The following FAM234B variants were observed in gnomAD, a reference collection of about 807,000 sequenced individuals.
FAM234B encodes the protein family with sequence similarity 234 member B, also known as protein FAM234B.
Under a neutral mutation model 69.3 loss-of-function variants are expected in FAM234B, and 33 were observed. The ratio of observed to expected loss-of-function variants is 0.48; its 90% CI spans 0.36 to 0.64. FAM234B has a LOEUF of 0.64. FAM234B is among the 30% of genes least tolerant of loss of function. The probability of loss-of-function intolerance (pLI) is 0.00; values close to 1 mark genes in which losing one functional copy is unlikely to be tolerated. For synonymous variants in FAM234B, 306 were observed against 306.9 expected (o/e 1.00, Z 0.03); for missense variants, 697 against 769.7 (o/e 0.91, Z 1.12).
Position 13,080,812 on chromosome 12 carries a change from C to T in FAM234B, c.*182C>T. On this transcript the variant is annotated 3_prime_UTR_variant, in exon 13 of 13. Transcript: ENST00000197268. ...TTTGACGGCAGCATGATCTATTTGGCTGGGGCATCTTACCTACCTTTTCAG... is the reference window on the plus strand; with the variant it reads ...TTTGACGGCAGCATGATCTATTTGGTTGGGGCATCTTACCTACCTTTTCAG... 1 of 528,470 alleles carries T rather than the reference C, an allele frequency of 1.9e-6. No homozygotes were observed. The allele number at this position is 528,470 out of a possible 1,614,324, so 32.7% of individuals were successfully genotyped here.
intron 3 of FAM234B, among the ~76,000 whole-genome samples, chr12:13,060,988 C>T (rs1425045253): frequency 6.6e-6 from 1 of 152,156 alleles, no homozygotes; most frequent in Admixed American, 6.5e-5. Flanking sequence ...ACCCACTCAT[C>T]ATTGCTATAT....
intron 1 of FAM234B, among the ~76,000 whole-genome samples, chr12:13,054,223 A>G (rs1282160524): frequency 6.6e-6 from 1 of 151,126 alleles, no homozygotes; most frequent in Admixed American, 6.6e-5. Context: ...TTATAAGAGT[A>G]TTAATAGGGA....
Position 13,080,072 on chromosome 12 carries a change from T to G in FAM234B, c.1863+63T>G, listed in dbSNP as rs544865289. The G allele has an allele frequency of 1.3e-5, 17 of 1,273,464 alleles. No homozygotes were observed. The South Asian group carries it at 2.1e-4, about 16-fold the overall frequency. The allele number at this position is 1,273,464 out of a possible 1,614,324, so 78.9% of individuals were successfully genotyped here. On this transcript the variant is annotated intron_variant, in intron 12 of 12. Transcript: ENST00000197268. ...TAGGACAAATACTACCAATTCCAGC[T>G]TTGTCTTTAGAAAGTAGGCAGAATG...
In FAM234B at chr12:13,068,286, G is replaced by C; in HGVS notation, c.1143-18G>C. The stretch of plus-strand genomic sequence containing the variant: ...CATCCAAGCCAGAGACTAACCGTTG[G>C]GGTCTTATTTAACCCAGTGATGGTG... On this transcript the variant is annotated intron_variant, in intron 7 of 12. Coordinates refer to ENST00000197268, the MANE Select transcript of FAM234B (RefSeq NM_020853.2). 6.2e-7 allele frequency: 1 copy of C among 1,613,896 alleles called. No individual in the cohort carries two copies. Among genetic ancestry groups the C allele is most frequent in the Non-Finnish European group, 8.5e-7 (1 of 1,179,916 alleles).
chr12:13,074,543 A>C (rs1294434543), intron 10 of FAM234B, among the ~76,000 whole-genome samples: 7 of 152,172 alleles, frequency 4.6e-5, no homozygotes. Flanking sequence ...TGAAGCATGG[A>C]TTGAGGGTGA....
chr12:13,072,644 C>T (rs575751906), intron 10 of FAM234B, among the ~76,000 whole-genome samples: 2 of 151,054 alleles, frequency 1.3e-5, no homozygotes, highest in Admixed American at 6.6e-5. Flanking sequence ...GCAGGAGAAT[C>T]GCTTGAACCC....
At chr12:13,052,387 A>G (rs1007423159) in intron 1 of FAM234B, among the ~76,000 whole-genome samples, 1 of 151,992 alleles carries the variant, frequency 6.6e-6, no homozygotes, top group Non-Finnish European at 1.5e-5. Context: ...AAGTAACTCT[A>G]GAGTTGAGAA....
chr12:13,067,882 A>G lies in FAM234B; in HGVS notation c.1143-422A>G, dbSNP rs1865057577. On this transcript the variant is annotated intron_variant, in intron 7 of 12. Transcript: ENST00000197268. This position sits in a 1 kb window ranked among gnomAD's most constrained non-coding sequence, Gnocchi z 4.7. ...GTTTTGGTGACTTTGACAGGTATGA[A>G]GTAGAATGGTCCCAGTGGCACTGAG... Among the ~76,000 whole-genome samples, 1 of 152,186 alleles carries G rather than the reference A, an allele frequency of 6.6e-6. No individual in the cohort carries two copies. The highest frequency in any genetic ancestry group is 6.5e-5 in the Admixed American group (1 of 15,278).
At chr12:13,079,527 C>T (rs559086593) in intron 11 of FAM234B, among the ~76,000 whole-genome samples, 2 of 152,342 alleles carry the variant, frequency 1.3e-5, no homozygotes, top group South Asian at 2.1e-4. Flanking sequence ...CACATTCTCT[C>T]AGTTCCTGAG....
rs202008543 is a variant in FAM234B, at chr12:13,080,005, A to G, written c.1859A>G (p.Tyr620Cys). The G allele has an allele frequency of 4.4e-6, 7 of 1,590,136 alleles. No individual in the cohort carries two copies. The East Asian group carries it at 6.7e-5, about 15-fold the overall frequency. ...LSRIKFVEAP[Y>C]EI ...AGGATAAAGTTTGTTGAAGCTCCCT[A>G]CGAGGTGAGTGGCTGCAGAAATATT... Residue 620 changes from tyrosine (Y) to cysteine (C), a missense_variant, in exon 12 of 13, where the codon TAC (tyrosine) becomes TGC (cysteine). By Grantham distance (194) the Tyr-to-Cys change is radical. Around this residue, in one of 3 missense-constraint regions of FAM234B, gnomAD observed 313 missense variants for 305.5 expected, o/e 1.02. Transcript: ENST00000197268.
rs866659586 is a variant in FAM234B, at chr12:13,080,729, C to T, written c.*99C>T. ...CAGTTCTATGGAGAGAAGACTTCTTCGTCCTCATTTACCACCTCCCTGATG... is the reference window on the plus strand; with the variant it reads ...CAGTTCTATGGAGAGAAGACTTCTTTGTCCTCATTTACCACCTCCCTGATG... On this transcript the variant is annotated 3_prime_UTR_variant, in exon 13 of 13. Transcript: ENST00000197268. The T allele has an allele frequency of 3.8e-6, 4 of 1,039,542 alleles. No individual in the cohort carries two copies. Among genetic ancestry groups the T allele is most frequent in the African/African-American group, 1.6e-5 (1 of 62,510 alleles). The allele number at this position is 1,039,542 out of a possible 1,614,324, so 64.4% of individuals were successfully genotyped here.
At chr12:13,061,540 G>C in intron 3 of FAM234B, 35 bp from the exon 4 acceptor site, 1 of 1,570,400 alleles carries the variant, frequency 6.4e-7, no homozygotes, top group Non-Finnish European at 8.7e-7. Flanking sequence ...TCCTTTGCCT[G>C]CTTTCCTTTT....
rs537931386 is a variant in FAM234B, at chr12:13,046,750, C to T, written c.37+2310C>T. On this transcript the variant is annotated intron_variant, in intron 1 of 12. Transcript: ENST00000197268. ...CTGGGATTACAGGCATGAGCCACTG[C>T]GTCTGGCCCCAACATCCCCACTGTT... Among the ~76,000 whole-genome samples, 7 of 152,098 alleles carry T rather than the reference C, an allele frequency of 4.6e-5. No homozygotes were observed. In the South Asian group the frequency reaches 1.0e-3, roughly 23 times the overall value.
intron 2 of FAM234B, among the ~76,000 whole-genome samples, chr12:13,058,033 T>A (rs1043582272): frequency 2.0e-5 from 3 of 152,214 alleles, no homozygotes; most frequent in Non-Finnish European, 4.4e-5. Flanking sequence ...TCTACAACTT[T>A]CCTGTCTTGC....
chr12:13,075,449 A>G (rs867863025), intron 10 of FAM234B, among the ~76,000 whole-genome samples: 5 of 88,938 alleles, frequency 5.6e-5, no homozygotes, highest in Middle Eastern at 7.2e-3. Context: ...TTTTTTTTTT[A>G]TTTTTTGAGA....
At chr12:13,059,643 A>C (rs1864965048) in intron 3 of FAM234B, among the ~76,000 whole-genome samples, 1 of 152,136 alleles carries the variant, frequency 6.6e-6, no homozygotes, top group Non-Finnish European at 1.5e-5. Context: ...CTTGGAATAC[A>C]TGTCTAGGTG....
At chr12:13,077,366 C>T (rs569257969) in intron 11 of FAM234B, among the ~76,000 whole-genome samples, 257 of 150,696 alleles carry the variant, frequency 1.7e-3, no homozygotes, top group Non-Finnish European at 2.6e-3. Context: ...GTGTGCTGCA[C>T]CCATTAACTC....
rs1865102121 is a variant in FAM234B at position 13,071,243 on chromosome 12, G to A, written c.1371G>A (p.Met457Ile). Residue 457 changes from methionine to isoleucine, a missense_variant and splice_region_variant, in exon 10 of 13, where the codon ATG becomes ATA. Physicochemically the swap from Met to Ile is conservative, Grantham distance 10. This residue lies in a region of FAM234B where 313 missense variants were observed against 305.5 expected (regional missense o/e 1.02). Transcript: ENST00000197268. ...ACTGTCTGTCTTCTCTTTTGTAGAT[G>A]ATGGTTGTGGATGGTGACTCTGGCT... is the stretch of plus-strand genomic sequence containing the variant. Reference protein sequence around the residue: ...QIQDGVGMKKMMVVDGDSGSI... With the variant: ...QIQDGVGMKKIMVVDGDSGSI... 3.1e-6 allele frequency: 5 copies of A among 1,614,114 alleles called. No individual in the cohort carries two copies. Among genetic ancestry groups the A allele is most frequent in the Non-Finnish European group, 4.2e-6 (5 of 1,180,000 alleles).
intron 7 of FAM234B, 102 bp from the exon 8 acceptor site, chr12:13,068,202 A>T (rs1016999736): frequency 1.8e-6 from 2 of 1,104,446 alleles, no homozygotes; most frequent in Admixed American, 3.8e-5. Flanking sequence ...TGAATACAAG[A>T]GTGTGTACAG....
Sources: gnomAD v4.1 joint callset for allele counts (sites outside exome capture counted in the v4.1 genomes callset) on GRCh38, gnomAD v4.1.1 for gene constraint, gnomAD v4.1.1 regional missense constraint, Gnocchi (gnomAD v3.1) non-coding constraint, MANE v1.5 for transcripts, NCBI Gene and HGNC (gene_info 2026-07-23, HGNC 2026-07-21) for gene names.